The following FAM107B variants were observed in gnomAD, a reference collection of about 807,000 sequenced individuals.
The protein encoded by FAM107B is family with sequence similarity 107 member B.
A neutral mutation model predicts 31.5 loss-of-function variants in FAM107B; 21 were observed. That is an observed-to-expected ratio of 0.67 (90% confidence interval 0.47 to 0.96). FAM107B has a LOEUF of 0.96. Among genes scored for constraint, FAM107B ranks in the 40% least tolerant of loss-of-function variants. The pLI, the probability that FAM107B is intolerant of heterozygous loss-of-function variation, is 0.00. For synonymous variants in FAM107B, 157 were observed against 141.5 expected (o/e 1.11, Z -0.78); for missense variants, 452 against 377.1 (o/e 1.20, Z -1.64).
intron 2 of FAM107B, among the ~76,000 whole-genome samples, chr10:14,638,564 C>A (rs1853557234): frequency 6.6e-6 from 1 of 152,142 alleles, no homozygotes; most frequent in African/African-American, 2.4e-5. Context: ...TTTTGGAGGT[C>A]TTATCTTGAC....
At chr10:14,729,355 T>C (rs1856110525) in intron 1 of FAM107B, among the ~76,000 whole-genome samples, 1 of 152,100 alleles carries the variant, frequency 6.6e-6, no homozygotes, top group Non-Finnish European at 1.5e-5. Flanking sequence ...CCAGAAAGGA[T>C]ATGTAAGCTG....
At chr10:14,683,562 T>C (rs1213476077) in intron 1 of FAM107B, among the ~76,000 whole-genome samples, 1 of 152,172 alleles carries the variant, frequency 6.6e-6, no homozygotes, top group Non-Finnish European at 1.5e-5. Context: ...TGCAAAAAGA[T>C]TTGCATTAAA....
At chr10:14,760,750 GC>G (rs1452574856) in intron 1 of FAM107B, among the ~76,000 whole-genome samples, 28 of 152,096 alleles carry the variant, frequency 1.8e-4, no homozygotes, top group Admixed American at 1.8e-3. Flanking sequence ...AAATTGGAGA[GC>G]AAAGCCAAAG....
intron 2 of FAM107B, among the ~76,000 whole-genome samples, chr10:14,609,918 C>T (rs1852685592): frequency 1.3e-5 from 2 of 152,204 alleles, no homozygotes; most frequent in Admixed American, 1.3e-4. Flanking sequence ...AACCAGGAAC[C>T]AGGCCTAAGA....
chr10:14,755,159 T>C (rs1427288954), intron 1 of FAM107B, among the ~76,000 whole-genome samples: 2 of 152,238 alleles, frequency 1.3e-5, no homozygotes, highest in South Asian at 2.1e-4. Flanking sequence ...TTGACACTTC[T>C]GTGGAGTATT....
chr10:14,603,028 CACAA>C (rs1238077176), intron 2 of FAM107B, among the ~76,000 whole-genome samples: 1 of 150,956 alleles, frequency 6.6e-6, no homozygotes, highest in African/African-American at 2.5e-5. Context: ...CACACACACA[CACAA>C]ACACACTATG....
At chr10:14,687,258 G>A (rs1263515474) in intron 1 of FAM107B, among the ~76,000 whole-genome samples, 2 of 152,142 alleles carry the variant, frequency 1.3e-5, no homozygotes, top group East Asian at 1.9e-4. Context: ...CACTTCCCCG[G>A]GCTTCATTTT....
intron 1 of FAM107B, among the ~76,000 whole-genome samples, chr10:14,757,210 A>T (rs1383879163): frequency 6.6e-6 from 1 of 152,118 alleles, no homozygotes; most frequent in Non-Finnish European, 1.5e-5. Context: ...AACAAAAACC[A>T]TACAAGTTGC....
chr10:14,719,257 A>T (rs1408106748), intron 1 of FAM107B, among the ~76,000 whole-genome samples: 1 of 152,174 alleles, frequency 6.6e-6, no homozygotes, highest in African/African-American at 2.4e-5. Flanking sequence ...CCAGGGACGC[A>T]TTCTCTCCTG....
At chr10:14,721,669 C>G (rs553392558) in intron 1 of FAM107B, among the ~76,000 whole-genome samples, 8 of 152,174 alleles carry the variant, frequency 5.3e-5, no homozygotes, top group Non-Finnish European at 5.9e-5. Context: ...TGTTCATATC[C>G]TTCACCCACT....
intron 1 of FAM107B, among the ~76,000 whole-genome samples, chr10:14,719,848 T>C (rs909833307): frequency 5.9e-5 from 9 of 152,180 alleles, no homozygotes; most frequent in African/African-American, 2.2e-4. Flanking sequence ...TATTGATCTT[T>C]GGGTTGCTTT....
At chr10:14,718,992 G>A (rs1181959598) in intron 1 of FAM107B, among the ~76,000 whole-genome samples, 1 of 152,220 alleles carries the variant, frequency 6.6e-6, no homozygotes, top group Non-Finnish European at 1.5e-5. Flanking sequence ...TGATAGGACA[G>A]TCCTGAGATT....
At chr10:14,582,664 A>T (rs751887365) in intron 2 of FAM107B, among the ~76,000 whole-genome samples, 2 of 151,384 alleles carry the variant, frequency 1.3e-5, no homozygotes, top group African/African-American at 2.4e-5. Context: ...GGCGTGAGCC[A>T]CCACACCCAG....
chr10:14,607,997 A>G (rs1406665721), intron 2 of FAM107B, among the ~76,000 whole-genome samples: 1 of 151,698 alleles, frequency 6.6e-6, no homozygotes, highest in African/African-American at 2.4e-5. Context: ...CCTAAGGAAA[A>G]TCGAACAAAG....
intron 1 of FAM107B, among the ~76,000 whole-genome samples, chr10:14,762,774 AC>A (rs1366572516): frequency 2.3e-4 from 35 of 150,738 alleles, no homozygotes; most frequent in African/African-American, 8.3e-4. Context: ...ACACACACAC[AC>A]ACACACACAC....
At chr10:14,583,928 T>A (rs1398060194) in intron 2 of FAM107B, among the ~76,000 whole-genome samples, 2 of 152,170 alleles carry the variant, frequency 1.3e-5, no homozygotes, top group Non-Finnish European at 2.9e-5. Flanking sequence ...TGGTCACCGT[T>A]GTTCATAGGA....
chr10:14,533,615 T>G, intron 2 of FAM107B, among the ~76,000 whole-genome samples: 1 of 152,206 alleles, frequency 6.6e-6, no homozygotes, highest in East Asian at 1.9e-4. Context: ...CCCCTCATCC[T>G]CTGTCCCGCA....
At chr10:14,572,746 T>TATAC (rs1851317276) in intron 2 of FAM107B, among the ~76,000 whole-genome samples, 1 of 135,926 alleles carries the variant, frequency 7.4e-6, no homozygotes, top group Admixed American at 7.4e-5. Context: ...AATTTATATA[T>TATAC]ATATATATAT....
chr10:14,612,259 G>C (rs1246371664), intron 2 of FAM107B, among the ~76,000 whole-genome samples: 1 of 152,186 alleles, frequency 6.6e-6, no homozygotes, highest in Non-Finnish European at 1.5e-5. Context: ...TCTTCTATTT[G>C]TTCCACCAAA....
Sources: gnomAD v4.1 joint callset for allele counts (sites outside exome capture counted in the v4.1 genomes callset) on GRCh38, gnomAD v4.1.1 for gene constraint, MANE v1.5 for transcripts, NCBI Gene and HGNC (gene_info 2026-07-23, HGNC 2026-07-21) for gene names.